INTS6: variants seen among roughly 807,000 people sequenced by gnomAD.
The protein encoded by INTS6 is integrator complex subunit 6.
In INTS6, 16 loss-of-function variants were observed where a neutral mutation model predicts 104.9. The ratio of observed to expected loss-of-function variants is 0.15; its 90% CI spans 0.10 to 0.23. The LOEUF (loss-of-function observed/expected upper bound fraction) is 0.23, where lower values mean the gene tolerates loss of function less well. Among genes scored for constraint, INTS6 ranks in the 10% least tolerant of loss-of-function variants. The pLI, the probability that INTS6 is intolerant of heterozygous loss-of-function variation, is 1.00. For missense variants in INTS6, 584 were observed against 1,062.8 expected, an observed-to-expected ratio of 0.55 and a Z score of 6.26; for synonymous variants, 324 against 358.7, an observed-to-expected ratio of 0.90 and a Z score of 1.09.
At chr13:51,409,972 T>C (rs1196752371) in intron 4 of INTS6, among the ~76,000 whole-genome samples, 1 of 152,066 alleles carries the variant, frequency 6.6e-6, no homozygotes, top group African/African-American at 2.4e-5. Context: ...CAACAAATCA[T>C]CAGAAGTTGA....
the INTS6 span, chr13:51,348,601 C>T: frequency 1.7e-6 from 1 of 588,408 alleles, no homozygotes; most frequent in Middle Eastern, 2.6e-4. Flanking sequence ...CCACTGCTGG[C>T]TAGCTCACAG....
At chr13:51,404,658 T>C (rs1956524874) in intron 4 of INTS6, among the ~76,000 whole-genome samples, 2 of 152,206 alleles carry the variant, frequency 1.3e-5, no homozygotes, top group East Asian at 3.8e-4. Context: ...ACCTCATATA[T>C]TCATTCTTGC....
chr13:51,338,557 A>G, the INTS6 span, among the ~76,000 whole-genome samples: 1 of 152,192 alleles, frequency 6.6e-6, no homozygotes, highest in Non-Finnish European at 1.5e-5. Context: ...ATGGATGGAC[A>G]GATGGACAGA....
In INTS6 at chr13:51,452,332, C is replaced by G; in HGVS notation, c.111+83G>C. On this transcript the variant is annotated intron_variant, in intron 1 of 17. Coordinates refer to ENST00000311234, the MANE Select transcript of INTS6 (RefSeq NM_012141.3). The surrounding 1 kb of genome is among the most constrained non-coding windows in gnomAD (Gnocchi z 4.2). ...AGCTCCCGCAGTCAGGTCCCCGACACCCCCGCCCCGGCCGCCCTCCCCCAC... is the reference window on the plus strand; with the variant it reads ...AGCTCCCGCAGTCAGGTCCCCGACAGCCCCGCCCCGGCCGCCCTCCCCCAC... 1.6e-6 allele frequency: 2 copies of G among 1,264,856 alleles called. No homozygotes were observed. Among genetic ancestry groups the G allele is most frequent in the Non-Finnish European group, 2.0e-6 (2 of 1,002,250 alleles). The allele number at this position is 1,264,856 out of a possible 1,614,324, so 78.4% of individuals were successfully genotyped here. A position where few individuals can be genotyped will look rare whatever the true frequency, so the allele number is the denominator to read the frequency against.
At chr13:51,397,284 A>T (rs759226519) in intron 4 of INTS6, among the ~76,000 whole-genome samples, 3 of 152,196 alleles carry the variant, frequency 2.0e-5, no homozygotes, top group Non-Finnish European at 4.4e-5. Context: ...TTCTAGGAAG[A>T]GTTTTCCTAG....
the INTS6 span, among the ~76,000 whole-genome samples, chr13:51,345,373 T>C: frequency 0.011 from 1,613 of 152,114 alleles, 34 homozygotes; most frequent in African/African-American, 0.036. Context: ...GGCGGGCAGA[T>C]CACGAGGTCA....
Position 51,362,800 on chromosome 13 carries a change from G to C in INTS6, c.*2952C>G, listed in dbSNP as rs532347481. On this transcript the variant is annotated 3_prime_UTR_variant, in exon 18 of 18. Coordinates refer to ENST00000311234, the MANE Select transcript of INTS6 (RefSeq NM_012141.3). ...TTTATCTGAGAATCATTTGCATCCTGCTGTACCTTGTGCTAGAAATCAAAG... is the reference window on the plus strand; with the variant it reads ...TTTATCTGAGAATCATTTGCATCCTCCTGTACCTTGTGCTAGAAATCAAAG... The C allele has an allele frequency of 2.0e-5, 3 of 152,516 alleles. No individual in the cohort carries two copies. The highest frequency in any genetic ancestry group is 7.2e-5 in the African/African-American group (3 of 41,534). 9.4% of individuals were successfully genotyped at this position (152,516 alleles called of 1,614,324 possible).
At chr13:51,443,351 AT>A (rs533641352) in intron 3 of INTS6, 6 of 152,156 alleles carry the variant, frequency 3.9e-5, no homozygotes, top group Non-Finnish European at 8.8e-5. Flanking sequence ...CAAATGTTCA[AT>A]TTTTTTAAGA....
intron 15 of INTS6, among the ~76,000 whole-genome samples, chr13:51,371,051 C>T (rs1193808827): frequency 6.6e-6 from 1 of 152,196 alleles, no homozygotes; most frequent in South Asian, 2.1e-4. Flanking sequence ...TACTACTACT[C>T]GAAGTCTGGT....
intron 4 of INTS6, among the ~76,000 whole-genome samples, chr13:51,405,670 A>G (rs961441653): frequency 2.0e-5 from 3 of 152,138 alleles, no homozygotes; most frequent in African/African-American, 7.2e-5. Flanking sequence ...TTCCACTTCC[A>G]TGGAAGCTGG....
chr13:51,400,650 G>T (rs774654900), intron 4 of INTS6, among the ~76,000 whole-genome samples: 8 of 151,840 alleles, frequency 5.3e-5, no homozygotes, highest in Non-Finnish European at 1.2e-4. Context: ...TTACATGGAA[G>T]GAAAAAAAGG....
rs1955882537 is a variant in INTS6 at position 51,374,722 on chromosome 13, T to C, written c.1804A>G (p.Arg602Gly). ...CGTGGCTGATCAGGATCAAGTTCTCTTAGTGGAGAAGGTACTTGCTTGAGG... is the reference window on the plus strand; with the variant it reads ...CGTGGCTGATCAGGATCAAGTTCTCCTAGTGGAGAAGGTACTTGCTTGAGG... Reference protein sequence around the residue: ...EYLKQVPSPLRELDPDQPRRL... With the variant: ...EYLKQVPSPLGELDPDQPRRL... The change falls in exon 14 of 18, where the codon AGA becomes GGA. Residue 602 changes from arginine to glycine, a missense_variant. This residue lies in a region of INTS6 where 296 missense variants were observed against 437.0 expected (regional missense o/e 0.68). Coordinates refer to ENST00000311234, the MANE Select transcript of INTS6 (RefSeq NM_012141.3). 6.2e-7 allele frequency: 1 copy of C among 1,613,374 alleles called. No individual in the cohort carries two copies. The highest frequency in any genetic ancestry group is 8.5e-7 in the Non-Finnish European group (1 of 1,179,930).
At position 51,365,834 on chromosome 13, in the gene INTS6, C is replaced by T; in HGVS notation, c.2582G>A (p.Arg861Gln). 6 of 1,596,930 alleles carry T rather than the reference C, an allele frequency of 3.8e-6. No individual in the cohort carries two copies. Among genetic ancestry groups the T allele is most frequent in the African/African-American group, 1.3e-5 (1 of 74,476 alleles). The change falls in exon 18 of 18, where the codon CGA becomes CAA. Residue 861 changes from arginine to glutamine, a missense_variant. Transcript: ENST00000311234. The stretch of plus-strand genomic sequence containing the variant: ...GTTCTCCAGTTGTTCTATTAGCATT[C>T]GTTTTTTAAACCTGTATGAAAAAAT... ...VIKEASRFKK[R>Q]MLIEQLENFL... is the part of the protein sequence containing the mutation.
intron 4 of INTS6, among the ~76,000 whole-genome samples, chr13:51,427,989 C>G (rs929083301): frequency 6.6e-5 from 10 of 152,122 alleles, no homozygotes; most frequent in Non-Finnish European, 1.0e-4. Context: ...ATGTATATTT[C>G]AAGATATTTT....
intron 4 of INTS6, among the ~76,000 whole-genome samples, chr13:51,400,111 G>A (rs942954526): frequency 1.6e-4 from 24 of 152,154 alleles, no homozygotes; most frequent in Admixed American, 5.2e-4. Flanking sequence ...TAGGTTGTGC[G>A]CTCCTTATTT....
chr13:51,408,450 G>A (rs1395603298), intron 4 of INTS6, among the ~76,000 whole-genome samples: 1 of 152,118 alleles, frequency 6.6e-6, no homozygotes, highest in Non-Finnish European at 1.5e-5. Context: ...CGGTCATTGA[G>A]TTTTATTAAT....
intron 3 of INTS6, chr13:51,436,303 G>A (rs1185263766): frequency 6.6e-6 from 1 of 152,006 alleles, no homozygotes; most frequent in African/African-American, 2.4e-5. Context: ...AATAAAATCT[G>A]CTAGAATATA....
chr13:51,355,568 A>C (rs1259329892), intron 3 of INTS6, among the ~76,000 whole-genome samples: 1 of 152,082 alleles, frequency 6.6e-6, no homozygotes, highest in African/African-American at 2.4e-5. Context: ...CTCTTCTAAT[A>C]AGCTAGTCTT....
At chr13:51,370,573 A>C (rs1955783347) in intron 15 of INTS6, among the ~76,000 whole-genome samples, 1 of 152,194 alleles carries the variant, frequency 6.6e-6, no homozygotes, top group Non-Finnish European at 1.5e-5. Context: ...TGGGGGCTAC[A>C]TAAAGGGGAG....
Sources: allele counts gnomAD v4.1 joint callset (sites outside exome capture counted in the v4.1 genomes callset), GRCh38; gene constraint gnomAD v4.1.1; regional missense constraint gnomAD v4.1.1; non-coding constraint Gnocchi (gnomAD v3.1); transcripts MANE v1.5; gene names NCBI Gene and HGNC (gene_info 2026-07-23, HGNC 2026-07-21).